Variants in SV2B observed in about 807,000 individuals in gnomAD.
The protein encoded by SV2B is synaptic vesicle glycoprotein 2B, also known as solute carrier family 22 member B2.
A neutral mutation model predicts 73.9 loss-of-function variants in SV2B; 41 were observed. That is an observed-to-expected ratio of 0.56 (90% CI 0.43 to 0.72). SV2B has a LOEUF of 0.72. Among genes scored for constraint, SV2B ranks in the 30% least tolerant of loss-of-function variants. The pLI is 0.00. For synonymous variants in SV2B, 314 were observed against 314.2 expected (o/e 1.00, Z 0.01); for missense variants, 764 against 857.8 (o/e 0.89, Z 1.37).
intron 1 of SV2B, among the ~76,000 whole-genome samples, chr15:91,163,166 A>T (rs564559189): frequency 1.1e-3 from 172 of 152,174 alleles, no homozygotes; most frequent in African/African-American, 4.0e-3. Context: ...TCTATCATTG[A>T]TGGACATTTT....
rs186804619 is a variant in SV2B at position 91,187,733 on chromosome 15, T to A, written c.-391-38140T>A. On this transcript the variant is annotated intron_variant, in intron 1 of 12. Coordinates refer to ENST00000394232, the MANE Select transcript of SV2B (RefSeq NM_001323032.3). ...GCAATGATAAGTAGATTTGTATAAT[T>A]TTTATTGAGTTAAATCATAATTAAC... Among the ~76,000 whole-genome samples, 33 of 152,300 alleles carry A rather than the reference T, an allele frequency of 2.2e-4. No individual in the cohort carries two copies. In the East Asian group the frequency reaches 5.8e-3, roughly 27 times the overall value.
At chr15:91,257,932 A>T (rs568610466) in intron 4 of SV2B, among the ~76,000 whole-genome samples, 2 of 152,276 alleles carry the variant, frequency 1.3e-5, no homozygotes, top group East Asian at 3.9e-4. Flanking sequence ...ATTTGGAAGG[A>T]GGAGGTGGGG....
At chr15:91,292,081 T>C (rs2049059374) in intron 12 of SV2B, among the ~76,000 whole-genome samples, 2 of 148,566 alleles carry the variant, frequency 1.3e-5, no homozygotes, top group South Asian at 4.2e-4. Context: ...TAAAAATGTT[T>C]TAAATAGATA....
Position 91,298,609 on chromosome 15 carries a change from G to A in SV2B, c.*6057G>A, listed in dbSNP as rs957764680. The A allele has an allele frequency of 3.3e-5, 5 of 152,266 alleles. No individual in the cohort carries two copies. The South Asian group carries it at 1.0e-3, about 32-fold the overall frequency. The allele number at this position is 152,266 out of a possible 1,614,324, so 9.4% of individuals were successfully genotyped here. A position where few individuals can be genotyped will look rare whatever the true frequency, so the allele number is the denominator to read the frequency against. On this transcript the variant is annotated 3_prime_UTR_variant, in exon 13 of 13. Transcript: ENST00000394232. This position sits in a 1 kb window ranked among gnomAD's most constrained non-coding sequence, Gnocchi z 5.4. ...CAGGACCATACTATGCCCCCTGGAA[G>A]GTTCAGTTTATGAGCTGGAGCACAA...
At position 91,137,607 on chromosome 15, in the gene SV2B, C is replaced by CTCATAT. The variant is rs1363526808; in HGVS notation, c.-392+37244_-392+37245insTCATAT. On this transcript the variant is annotated intron_variant, in intron 1 of 12. Coordinates refer to ENST00000394232, the MANE Select transcript of SV2B (RefSeq NM_001323032.3). This position sits in a 1 kb window ranked among gnomAD's most constrained non-coding sequence, Gnocchi z 4.9. ...ATATTTCTCATATATATATATATTTCATATATATATTTCATATATACATAT... is the reference window on the plus strand; with the variant it reads ...ATATTTCTCATATATATATATATTTCTCATATATATATATATTTCATATATACATAT... 2.2e-5 allele frequency among the ~76,000 whole-genome samples: 2 copies of CTCATAT among 91,934 alleles called. No individual in the cohort carries two copies. The highest frequency in any genetic ancestry group is 2.3e-4 in the Admixed American group (2 of 8,544). 60.3% of individuals were successfully genotyped at this position (91,934 alleles called of 152,430 possible).
At chr15:91,276,190 A>AT (rs1259394376) in intron 9 of SV2B, among the ~76,000 whole-genome samples, 3 of 150,072 alleles carry the variant, frequency 2.0e-5, no homozygotes, top group South Asian at 2.1e-4. Flanking sequence ...ATGTAACATG[A>AT]TTTTTTTTCT....
rs2049091369 is a variant in SV2B at position 91,292,803 on chromosome 15, A to G, written c.*251A>G. 2 of 392,766 alleles carry G rather than the reference A, an allele frequency of 5.1e-6. No individual in the cohort carries two copies. Among genetic ancestry groups the G allele is most frequent in the Non-Finnish European group, 9.0e-6 (2 of 221,004 alleles). 24.3% of individuals were successfully genotyped at this position (392,766 alleles called of 1,614,324 possible). On this transcript the variant is annotated 3_prime_UTR_variant, in exon 13 of 13. Transcript: ENST00000394232. ...TTTAACTTCAAGTCTTCCCAGTCCA[A>G]GGCAGGGAGAGGATTCTCCAGTGAG...
intron 1 of SV2B, among the ~76,000 whole-genome samples, chr15:91,185,769 AT>A (rs1375221240): frequency 6.6e-6 from 1 of 152,216 alleles, no homozygotes; most frequent in Non-Finnish European, 1.5e-5. Context: ...TGCAAGGCAG[AT>A]TGTGTGATCT....
At chr15:91,195,683 G>C (rs1292792457) in intron 1 of SV2B, among the ~76,000 whole-genome samples, 1 of 152,168 alleles carries the variant, frequency 6.6e-6, no homozygotes, top group African/African-American at 2.4e-5. Context: ...CATTTACTCA[G>C]CGTGTGATTT....
intron 1 of SV2B, among the ~76,000 whole-genome samples, chr15:91,127,461 C>T (rs1008291248): frequency 2.6e-5 from 4 of 152,006 alleles, no homozygotes; most frequent in Non-Finnish European, 4.4e-5. Flanking sequence ...TCCAAGCCCC[C>T]GCACTGACGG....
chr15:91,292,422 G>C lies in SV2B; in HGVS notation c.1922G>C (p.Gly641Ala). 1 of 1,614,134 alleles carries C rather than the reference G, an allele frequency of 6.2e-7. No homozygotes were observed. ...NGLCKFGAIL[G>A]NTIFASFVGI... The stretch of plus-strand genomic sequence containing the variant: ...TTATGCAAATTTGGCGCCATCCTGG[G>C]AAACACCATCTTTGCTTCTTTTGTT... Residue 641 changes from glycine to alanine, a missense_variant, in exon 13 of 13, where the codon GGA becomes GCA. Coordinates refer to ENST00000394232, the MANE Select transcript of SV2B (RefSeq NM_001323032.3).
In SV2B at chr15:91,242,166, CT is replaced by C. The variant is rs1401852874; in HGVS notation, c.452-9652del. Among the ~76,000 whole-genome samples, 2 of 152,218 alleles carry C rather than the reference CT, an allele frequency of 1.3e-5. No homozygotes were observed. The highest frequency in any genetic ancestry group is 2.9e-5 in the Non-Finnish European group (2 of 68,042). ...TATTGGACATCTAAGCTACCTCTGT[CT>C]CCTCGTTTTCCACCTGCCCATTGGC... On this transcript the variant is annotated intron_variant, in intron 2 of 12. Coordinates refer to ENST00000394232, the MANE Select transcript of SV2B (RefSeq NM_001323032.3). This position sits in a 1 kb window ranked among gnomAD's most constrained non-coding sequence, Gnocchi z 4.9.
intron 1 of SV2B, among the ~76,000 whole-genome samples, chr15:91,151,443 A>G (rs2043310588): frequency 1.3e-5 from 2 of 152,242 alleles, no homozygotes; most frequent in South Asian, 4.1e-4. Context: ...ACTTTAGCCT[A>G]ATCAGCCTGA....
chr15:91,197,503 C>T lies in SV2B; in HGVS notation c.-391-28370C>T, dbSNP rs779429802. Among the ~76,000 whole-genome samples, 1 of 150,478 alleles carries T rather than the reference C, an allele frequency of 6.6e-6. No homozygotes were observed. The highest frequency in any genetic ancestry group is 2.4e-5 in the African/African-American group (1 of 40,982). The stretch of plus-strand genomic sequence containing the variant: ...CCTCCCATAGTGCTGGGATTACAGG[C>T]GTGAGCCACCGCGCCCAGCCATCAT... On this transcript the variant is annotated intron_variant, in intron 1 of 12. Transcript: ENST00000394232. This position sits in a 1 kb window ranked among gnomAD's most constrained non-coding sequence, Gnocchi z 4.9.
Position 91,236,877 on chromosome 15 carries a change from C to A in SV2B, c.451+10163C>A, listed in dbSNP as rs1321184978. Among the ~76,000 whole-genome samples the A allele has an allele frequency of 6.6e-6, 1 of 151,998 alleles. No homozygotes were observed. Among genetic ancestry groups the A allele is most frequent in the African/African-American group, 2.4e-5 (1 of 41,384 alleles). ...GATGGCTGGGGCTTCTTTTGAGCAT[C>A]TCTCTCTATCTCCATACGATCTTTA... On this transcript the variant is annotated intron_variant, in intron 2 of 12. Coordinates refer to ENST00000394232, the MANE Select transcript of SV2B (RefSeq NM_001323032.3). The surrounding 1 kb of genome is among the most constrained non-coding windows in gnomAD (Gnocchi z 4.1).
At chr15:91,285,906 C>G (rs539406288) in intron 11 of SV2B, among the ~76,000 whole-genome samples, 5 of 152,236 alleles carry the variant, frequency 3.3e-5, no homozygotes, top group African/African-American at 1.2e-4. Context: ...CAGGGGCAGG[C>G]GGGACGGTGA....
rs1404968089 is a variant in SV2B at position 91,137,588 on chromosome 15, CTCATAT to C, written c.-392+37226_-392+37231del. Among the ~76,000 whole-genome samples, 43 of 76,238 alleles carry C rather than the reference CTCATAT, an allele frequency of 5.6e-4. No individual in the cohort carries two copies. Among genetic ancestry groups the C allele is most frequent in the Non-Finnish European group, 1.0e-3 (37 of 35,274 alleles). The allele number at this position is 76,238 out of a possible 152,430, so 50.0% of individuals were successfully genotyped here. A position where few individuals can be genotyped will look rare whatever the true frequency, so the allele number is the denominator to read the frequency against. ...ATGTGAAATATATATATATATATTT[CTCATAT>C]ATATATATATTTCATATATATATTT... is the stretch of plus-strand genomic sequence containing the variant. On this transcript the variant is annotated intron_variant, in intron 1 of 12. Transcript: ENST00000394232. This position sits in a 1 kb window ranked among gnomAD's most constrained non-coding sequence, Gnocchi z 4.9.
At chr15:91,164,077 T>C (rs2043823612) in intron 1 of SV2B, among the ~76,000 whole-genome samples, 2 of 152,178 alleles carry the variant, frequency 1.3e-5, no homozygotes, top group Admixed American at 6.5e-5. Flanking sequence ...TGGTTGTAGA[T>C]GTGTGGTATT....
chr15:91,255,079 G>A (rs993414719), intron 4 of SV2B, among the ~76,000 whole-genome samples: 1 of 152,206 alleles, frequency 6.6e-6, no homozygotes, highest in Non-Finnish European at 1.5e-5. Context: ...GTGCAACACA[G>A]TGGTGAAGAA....
Sources: gnomAD v4.1 joint callset for allele counts (sites outside exome capture counted in the v4.1 genomes callset) on GRCh38, gnomAD v4.1.1 for gene constraint, Gnocchi (gnomAD v3.1) non-coding constraint, MANE v1.5 for transcripts, NCBI Gene and HGNC (gene_info 2026-07-23, HGNC 2026-07-21) for gene names.